PRKG1: variants seen among roughly 807,000 people sequenced by gnomAD.
PRKG1 encodes protein kinase cGMP-dependent 1.
PRKG1 carries 35 observed loss-of-function variants against 88.1 expected under a neutral mutation model. The observed-to-expected ratio is 0.40, with a 90% CI of 0.30 to 0.53. The LOEUF is 0.53. Among genes scored for constraint, PRKG1 ranks in the 20% least tolerant of loss-of-function variants. PRKG1 has a pLI of 0.59. For synonymous variants in PRKG1, 303 were observed against 292.5 expected (o/e 1.04, Z -0.37); for missense variants, 540 against 839.8 (o/e 0.64, Z 4.41).
intron 2 of PRKG1, among the ~76,000 whole-genome samples, chr10:51,157,214 T>G (rs1846236912): frequency 6.6e-6 from 1 of 151,942 alleles, no homozygotes; most frequent in Admixed American, 6.6e-5. Flanking sequence ...GACATTATCA[T>G]GTATTTTCAA....
At position 50,991,516 on chromosome 10, in the gene PRKG1, G is replaced by A. The variant is rs1842781679; in HGVS notation, c.138G>A (p.Val46=). The stretch of plus-strand genomic sequence containing the variant: ...GGAAACTCCACAAATGCCAGTCGGT[G>A]CTCCCAGTGCCCTCGACCCACATCG... Residue 46 remains valine (V), a synonymous_variant, in exon 1 of 18, where the codon GTG becomes GTA. Transcript: ENST00000401604. This position sits in a 1 kb window ranked among gnomAD's most constrained non-coding sequence, Gnocchi z 4.5. 3 of 1,611,478 alleles carry A rather than the reference G, an allele frequency of 1.9e-6. No individual in the cohort carries two copies. Among genetic ancestry groups the A allele is most frequent in the Non-Finnish European group, 2.5e-6 (3 of 1,179,018 alleles).
At chr10:51,287,198 A>G (rs1431962035) in intron 2 of PRKG1, among the ~76,000 whole-genome samples, 1 of 152,020 alleles carries the variant, frequency 6.6e-6, no homozygotes, top group African/African-American at 2.4e-5. Flanking sequence ...GCCTTACACA[A>G]TCTTTACAAG....
At chr10:51,464,730 A>G (rs996865547) in intron 2 of PRKG1, among the ~76,000 whole-genome samples, 14 of 151,214 alleles carry the variant, frequency 9.3e-5, no homozygotes, top group South Asian at 2.1e-4. Context: ...TCTCTACTAA[A>G]AATACAAAAA....
chr10:52,188,924 A>C (rs538534787), intron 9 of PRKG1, among the ~76,000 whole-genome samples: 1 of 152,302 alleles, frequency 6.6e-6, no homozygotes, highest in South Asian at 2.1e-4. Flanking sequence ...TATGTCAGAC[A>C]TGTACCAGGC....
chr10:51,361,598 T>G (rs1244652190), intron 2 of PRKG1, among the ~76,000 whole-genome samples: 1 of 151,924 alleles, frequency 6.6e-6, no homozygotes, highest in African/African-American at 2.4e-5. Flanking sequence ...TTAGCATCTC[T>G]GAATTAGGAG....
At chr10:51,553,326 T>C (rs1004405129) in intron 3 of PRKG1, among the ~76,000 whole-genome samples, 2 of 151,736 alleles carry the variant, frequency 1.3e-5, no homozygotes, top group African/African-American at 4.8e-5. Context: ...TGAATACTTC[T>C]GGGGCCAGTT....
chr10:51,143,603 A>G (rs73335813), intron 1 of PRKG1, among the ~76,000 whole-genome samples: 5,445 of 152,048 alleles, frequency 0.036, 312 homozygotes, highest in African/African-American at 0.12. Context: ...GTGTGTAAGG[A>G]TTCCCTTTTC....
intron 4 of PRKG1, among the ~76,000 whole-genome samples, chr10:51,823,296 A>T (rs894027882): frequency 1.3e-5 from 2 of 152,176 alleles, no homozygotes; most frequent in Non-Finnish European, 2.9e-5. Flanking sequence ...GGAAGCATGG[A>T]TAGATCCATG....
intron 3 of PRKG1, among the ~76,000 whole-genome samples, chr10:51,711,687 C>T (rs999756460): frequency 6.6e-6 from 1 of 152,178 alleles, no homozygotes; most frequent in African/African-American, 2.4e-5. Context: ...CTTTGGAAGA[C>T]ACCAGCACTT....
intron 2 of PRKG1, among the ~76,000 whole-genome samples, chr10:51,349,984 TA>T (rs1351057560): frequency 6.6e-6 from 1 of 152,192 alleles, no homozygotes; most frequent in Non-Finnish European, 1.5e-5. Flanking sequence ...AATTTAATTT[TA>T]AGGAACATAA....
intron 7 of PRKG1, among the ~76,000 whole-genome samples, chr10:52,123,577 G>A (rs752506446): frequency 2.0e-5 from 3 of 151,924 alleles, no homozygotes; most frequent in Non-Finnish European, 4.4e-5. Context: ...TTACATTGTA[G>A]GATTTTTAAG....
chr10:51,992,539 T>C (rs773530038), intron 5 of PRKG1, among the ~76,000 whole-genome samples: 2 of 152,150 alleles, frequency 1.3e-5, no homozygotes, highest in Non-Finnish European at 2.9e-5. Context: ...TTTATGTCTC[T>C]GGGTAACTTT....
At chr10:52,097,200 A>G (rs1847192559) in intron 7 of PRKG1, among the ~76,000 whole-genome samples, 1 of 151,754 alleles carries the variant, frequency 6.6e-6, no homozygotes, top group South Asian at 2.1e-4. Flanking sequence ...AAATAGGCCC[A>G]TTTTTGCCTA....
At chr10:51,093,768 CATATACATATATAT>C (rs1275643262) in intron 1 of PRKG1, among the ~76,000 whole-genome samples, 1 of 135,244 alleles carries the variant, frequency 7.4e-6, no homozygotes, top group African/African-American at 2.8e-5. Context: ...TACATATATA[CATATACATATATAT>C]GTATTTTATA....
chr10:52,042,751 C>T (rs1845780270), intron 5 of PRKG1, among the ~76,000 whole-genome samples: 1 of 151,870 alleles, frequency 6.6e-6, no homozygotes, highest in Non-Finnish European at 1.5e-5. Flanking sequence ...AAGCTTCTGC[C>T]CAGCAGGGGA....
chr10:52,047,450 TG>T (rs1286332816), intron 5 of PRKG1, among the ~76,000 whole-genome samples: 2 of 152,162 alleles, frequency 1.3e-5, no homozygotes, highest in Non-Finnish European at 2.9e-5. Context: ...TTTACAGATG[TG>T]ATAGCTAACT....
At chr10:51,723,617 C>CA (rs767394862) in intron 3 of PRKG1, among the ~76,000 whole-genome samples, 16 of 134,652 alleles carry the variant, frequency 1.2e-4, no homozygotes, top group African/African-American at 3.2e-4. Context: ...TAAAGCATGA[C>CA]AAAAAAAAAG....
intron 2 of PRKG1, among the ~76,000 whole-genome samples, chr10:51,226,384 A>G (rs981666135): frequency 6.6e-6 from 1 of 152,170 alleles, no homozygotes; most frequent in Non-Finnish European, 1.5e-5. Context: ...TGGCTGATAG[A>G]TTACTGGAAA....
At chr10:51,965,606 A>G (rs1382613292) in intron 5 of PRKG1, among the ~76,000 whole-genome samples, 1 of 152,242 alleles carries the variant, frequency 6.6e-6, no homozygotes, top group Non-Finnish European at 1.5e-5. Context: ...AAAGAATCAT[A>G]TAGCAAAACA....
Sources: gnomAD v4.1 joint callset for allele counts (sites outside exome capture counted in the v4.1 genomes callset) on GRCh38, gnomAD v4.1.1 for gene constraint, Gnocchi (gnomAD v3.1) non-coding constraint, MANE v1.5 for transcripts, NCBI Gene and HGNC (gene_info 2026-07-23, HGNC 2026-07-21) for gene names.